Variants in ZNF316 observed in about 807,000 individuals in gnomAD.
ZNF316 encodes the protein zinc finger protein 316.
ZNF316 carries 23 observed loss-of-function variants against 75.6 expected under a neutral mutation model. The ratio of observed to expected loss-of-function variants is 0.30; its 90% CI spans 0.22 to 0.43. The LOEUF (loss-of-function observed/expected upper bound fraction) is 0.43. Ranked by LOEUF, ZNF316 falls within the 20% of genes least tolerant of loss-of-function variation. The probability of loss-of-function intolerance (pLI) is 1.00; values close to 1 mark genes in which losing one functional copy is unlikely to be tolerated. For missense variants in ZNF316, 1,266 were observed against 1,409.4 expected, an observed-to-expected ratio of 0.90 and a Z score of 1.63; for synonymous variants, 827 against 666.2, an observed-to-expected ratio of 1.24 and a Z score of -3.72.
In ZNF316 at chr7:6,642,562, A is replaced by G. The variant is rs1779329305; in HGVS notation, c.153A>G (p.Ile51Met). The change falls in exon 5 of 9, where the codon ATA becomes ATG. Residue 51 changes from isoleucine to methionine, a missense_variant. Transcript: ENST00000382252. This position sits in a 1 kb window ranked among gnomAD's most constrained non-coding sequence, Gnocchi z 8.1. ...VQEVEEEEEE[I>M]VVEEEEEGVA... is the part of the protein sequence containing the mutation. ...AGGTGGAAGAAGAGGAGGAGGAGAT[A>G]GTGGTGGAGGAGGAGGAGGAGGGTG... 3.3e-6 allele frequency: 4 copies of G among 1,215,804 alleles called. No individual in the cohort carries two copies. The highest frequency in any genetic ancestry group is 3.0e-4 in the Middle Eastern group (1 of 3,284). The allele number at this position is 1,215,804 out of a possible 1,614,324, so 75.3% of individuals were successfully genotyped here.
chr7:6,654,227 C>G lies in ZNF316; in HGVS notation c.2631C>G (p.His877Gln). ...CGCAGCGCTCCAACCTGGCCAAGCA[C>G]CGGCGCGGCCACACGGGCGAACGCC... Reference protein sequence around the residue: ...GFAQRSNLAKHRRGHTGERPF... With the variant: ...GFAQRSNLAKQRRGHTGERPF... The change falls in exon 9 of 9, where the codon CAC (histidine) becomes CAG (glutamine). Residue 877 changes from histidine to glutamine, a missense_variant. Around this residue, in one of 3 missense-constraint regions of ZNF316, gnomAD observed 194 missense variants for 319.2 expected, o/e 0.61. Coordinates refer to ENST00000382252, the MANE Select transcript of ZNF316 (RefSeq NM_001278559.2). 8.2e-7 allele frequency: 1 copy of G among 1,223,128 alleles called. No homozygotes were observed. Among genetic ancestry groups the G allele is most frequent in the African/African-American group, 1.6e-5 (1 of 63,884 alleles). 75.8% of individuals were successfully genotyped at this position (1,223,128 alleles called of 1,614,324 possible).
At chr7:6,648,436 G>T (rs1326736368) in intron 8 of ZNF316, among the ~76,000 whole-genome samples, 2 of 152,270 alleles carry the variant, frequency 1.3e-5, no homozygotes, top group East Asian at 3.9e-4. Context: ...GCATGGGATG[G>T]ACAGCAGGGG....
At chr7:6,647,932 C>A (rs55944391) in intron 8 of ZNF316, among the ~76,000 whole-genome samples, 39,980 of 152,000 alleles carry the variant, frequency 0.26, 5,531 homozygotes, top group South Asian at 0.36. Flanking sequence ...ACATAGGGCC[C>A]CCACGCTGTG....
At chr7:6,643,125 C>G in intron 6 of ZNF316, 52 bp downstream of exon 6, 2 of 1,231,680 alleles carry the variant, frequency 1.6e-6, no homozygotes, top group Non-Finnish European at 2.0e-6. Context: ...GGGTTTCCCC[C>G]GGGGCCTCGG....
chr7:6,653,051 C>T lies in ZNF316; in HGVS notation c.1455C>T (p.His485=), dbSNP rs1221428928. The T allele has an allele frequency of 8.2e-7, 1 of 1,216,618 alleles. No individual in the cohort carries two copies. The highest frequency in any genetic ancestry group is 4.1e-5 in the South Asian group (1 of 24,288). 75.4% of individuals were successfully genotyped at this position (1,216,618 alleles called of 1,614,324 possible). ...HQAVHTADRP[H]CCPDCGQAFR... ...CGGTGCACACGGCCGACCGCCCGCACTGCTGTCCCGACTGCGGCCAGGCCT... is the reference window on the plus strand; with the variant it reads ...CGGTGCACACGGCCGACCGCCCGCATTGCTGTCCCGACTGCGGCCAGGCCT... The change falls in exon 9 of 9, where the codon CAC becomes CAT. Residue 485 remains histidine (H), a synonymous_variant. Transcript: ENST00000382252.
intron 3 of ZNF316, among the ~76,000 whole-genome samples, chr7:6,641,391 C>A (rs773041416): frequency 1.3e-5 from 2 of 152,208 alleles, no homozygotes; most frequent in Non-Finnish European, 2.9e-5. Flanking sequence ...AGGTTTATAC[C>A]CAGAAAGGAG....
At chr7:6,645,141 A>G (rs1779376669) in intron 8 of ZNF316, among the ~76,000 whole-genome samples, 1 of 152,222 alleles carries the variant, frequency 6.6e-6, no homozygotes, top group Non-Finnish European at 1.5e-5. Context: ...CCTCAGGCCC[A>G]GCTCTGGCTC....
Position 6,653,690 on chromosome 7 carries a change from G to C in ZNF316, c.2094G>C (p.Lys698Asn). ...ESPWICSDCGKTFGRRAALAK... is the reference protein window; with the variant it reads ...ESPWICSDCGNTFGRRAALAK... ...CGTGGATCTGCTCGGACTGCGGCAA[G>C]ACGTTTGGGCGCCGGGCCGCGCTGG... The change falls in exon 9 of 9, where the codon AAG becomes AAC. Residue 698 changes from lysine (K) to asparagine (N), a missense_variant. This residue lies in a region of ZNF316 where 961 missense variants were observed against 990.9 expected (regional missense o/e 0.97). Coordinates refer to ENST00000382252, the MANE Select transcript of ZNF316 (RefSeq NM_001278559.2). 1.8e-6 allele frequency: 2 copies of C among 1,086,822 alleles called. No homozygotes were observed. Among genetic ancestry groups the C allele is most frequent in the Non-Finnish European group, 2.2e-6 (2 of 893,552 alleles). The allele number at this position is 1,086,822 out of a possible 1,614,324, so 67.3% of individuals were successfully genotyped here. A position where few individuals can be genotyped will look rare whatever the true frequency, so the allele number is the denominator to read the frequency against.
chr7:6,645,063 C>T (rs1390144365), intron 8 of ZNF316, among the ~76,000 whole-genome samples: 2 of 152,212 alleles, frequency 1.3e-5, no homozygotes, highest in African/African-American at 4.8e-5. Flanking sequence ...CAGGTTGGGG[C>T]ATTCTGGAGA....
chr7:6,657,062 C>T lies in ZNF316; in HGVS notation c.*2451C>T, dbSNP rs1387593051. On this transcript the variant is annotated 3_prime_UTR_variant, in exon 9 of 9. Transcript: ENST00000382252. ...CAGGCTGGAGTGCAGGGCGTGATCTCGGCTCACTGCAACCTCTGCCTCCCA... is the reference window on the plus strand; with the variant it reads ...CAGGCTGGAGTGCAGGGCGTGATCTTGGCTCACTGCAACCTCTGCCTCCCA... Among the ~76,000 whole-genome samples the T allele has an allele frequency of 1.3e-5, 2 of 152,124 alleles. No individual in the cohort carries two copies. The highest frequency in any genetic ancestry group is 1.9e-4 in the East Asian group (1 of 5,164).
At chr7:6,648,411 G>A (rs1003608963) in intron 8 of ZNF316, among the ~76,000 whole-genome samples, 17 of 152,170 alleles carry the variant, frequency 1.1e-4, no homozygotes, top group Non-Finnish European at 2.1e-4. Context: ...CAACTTGAGC[G>A]GTGACCAACA....
chr7:6,643,549 T>C (rs1162533730), intron 6 of ZNF316, among the ~76,000 whole-genome samples: 1 of 152,186 alleles, frequency 6.6e-6, no homozygotes, highest in Admixed American at 6.5e-5. Context: ...AGAGGGGGAC[T>C]GGGGGCGGGG....
chr7:6,638,241 C>G (rs1341342836), intron 2 of ZNF316, among the ~76,000 whole-genome samples: 1 of 151,158 alleles, frequency 6.6e-6, no homozygotes, highest in African/African-American at 2.4e-5. Flanking sequence ...GGGGGCTACC[C>G]TGGGGAACCT....
chr7:6,643,788 C>T, intron 6 of ZNF316, 34 bp from the exon 7 acceptor site: 1 of 1,232,944 alleles, frequency 8.1e-7, no homozygotes, highest in Non-Finnish European at 1.0e-6. Context: ...TAAAGGGCTC[C>T]CTCAGCCTCT....
chr7:6,643,995 C>T, intron 7 of ZNF316, 47 bp downstream of exon 7: 2 of 1,231,532 alleles, frequency 1.6e-6, no homozygotes, highest in Non-Finnish European at 2.0e-6. Flanking sequence ...GGTGTGATGG[C>T]TGCCAGGGTC....
At position 6,652,800 on chromosome 7, in the gene ZNF316, C is replaced by T. The variant is rs963024545; in HGVS notation, c.1204C>T (p.Pro402Ser). Residue 402 changes from proline (P) to serine (S), a missense_variant, in exon 9 of 9, where the codon CCG becomes TCG. Around this residue, in one of 3 missense-constraint regions of ZNF316, gnomAD observed 961 missense variants for 990.9 expected, o/e 0.97. Coordinates refer to ENST00000382252, the MANE Select transcript of ZNF316 (RefSeq NM_001278559.2). ...CACGCACACCGGCGAGAAGCCCTTCCCGTGCCCGGACTGCGGCAAGCGCTT... is the reference window on the plus strand; with the variant it reads ...CACGCACACCGGCGAGAAGCCCTTCTCGTGCCCGGACTGCGGCAAGCGCTT... ...QRTHTGEKPF[P>S]CPDCGKRFVY... 4 of 1,272,250 alleles carry T rather than the reference C, an allele frequency of 3.1e-6. No individual in the cohort carries two copies. Among genetic ancestry groups the T allele is most frequent in the Non-Finnish European group, 4.0e-6 (4 of 1,008,666 alleles). The allele number at this position is 1,272,250 out of a possible 1,614,324, so 78.8% of individuals were successfully genotyped here. A position where few individuals can be genotyped will look rare whatever the true frequency, so the allele number is the denominator to read the frequency against.
Position 6,652,615 on chromosome 7 carries a change from C to G in ZNF316, c.1019C>G (p.Ala340Gly). ...TTCCCCGCCGCAGTGGCCCCGCCGG[C>G]CGGGAGGCCGGAGACCACGTGCGAC... Reference protein sequence around the residue: ...WAFPAAVAPPAGRPETTCDVC... With the variant: ...WAFPAAVAPPGGRPETTCDVC... The change falls in exon 9 of 9, where the codon GCC (alanine) becomes GGC (glycine). Residue 340 changes from alanine (A) to glycine (G), a missense_variant. Ala to Gly is a moderately conservative substitution (Grantham distance 60). Coordinates refer to ENST00000382252, the MANE Select transcript of ZNF316 (RefSeq NM_001278559.2). 2.4e-6 allele frequency: 3 copies of G among 1,230,386 alleles called. No individual in the cohort carries two copies. Among genetic ancestry groups the G allele is most frequent in the Non-Finnish European group, 3.0e-6 (3 of 986,992 alleles). 76.2% of individuals were successfully genotyped at this position (1,230,386 alleles called of 1,614,324 possible).
At position 6,637,860 on chromosome 7, in the gene ZNF316, A is replaced by C. The variant is rs543290807; in HGVS notation, c.-416A>C. 4.6e-5 allele frequency: 7 copies of C among 151,978 alleles called. No homozygotes were observed. The highest frequency in any genetic ancestry group is 1.7e-4 in the African/African-American group (7 of 41,358). The allele number at this position is 151,978 out of a possible 1,614,324, so 9.4% of individuals were successfully genotyped here. A position where few individuals can be genotyped will look rare whatever the true frequency, so the allele number is the denominator to read the frequency against. The stretch of plus-strand genomic sequence containing the variant: ...TCATCGTCTAGGTCTCTGCAGGAGG[A>C]GGCGGCTCCGGACGCCCCCTGGGGG... On this transcript the variant is annotated 5_prime_UTR_variant, in exon 2 of 9. Transcript: ENST00000382252. This position sits in a 1 kb window ranked among gnomAD's most constrained non-coding sequence, Gnocchi z 6.2.
intron 8 of ZNF316, among the ~76,000 whole-genome samples, chr7:6,645,919 G>A (rs1237316314): frequency 2.6e-5 from 4 of 151,198 alleles, no homozygotes; most frequent in African/African-American, 9.8e-5. Flanking sequence ...ACTTGAACCC[G>A]GGAGGTGGAG....
Sources: allele counts gnomAD v4.1 joint callset (sites outside exome capture counted in the v4.1 genomes callset), GRCh38; gene constraint gnomAD v4.1.1; regional missense constraint gnomAD v4.1.1; non-coding constraint Gnocchi (gnomAD v3.1); transcripts MANE v1.5; gene names NCBI Gene and HGNC (gene_info 2026-07-23, HGNC 2026-07-21).